The following MAGI2 variants were observed in gnomAD, a reference collection of about 807,000 sequenced individuals.
The protein encoded by MAGI2 is membrane associated guanylate kinase, WW and PDZ domain containing 2, also known as membrane-associated guanylate kinase, WW and PDZ domain-containing protein 2.
In MAGI2, 35 loss-of-function variants were observed where a neutral mutation model predicts 133.3. The observed-to-expected ratio is 0.26, with a 90% CI of 0.20 to 0.35. The LOEUF (loss-of-function observed/expected upper bound fraction) is 0.35, where lower values mean the gene tolerates loss of function less well. Ranked by LOEUF, MAGI2 falls within the 10% of genes least tolerant of loss-of-function variation. MAGI2 has a pLI of 1.00. For synonymous variants in MAGI2, 729 were observed against 710.6 expected (o/e 1.03, Z -0.41); for missense variants, 1,636 against 1,863.4 (o/e 0.88, Z 2.25).
intron 15 of MAGI2, among the ~76,000 whole-genome samples, chr7:78,162,942 C>T (rs1231170965): frequency 6.6e-6 from 1 of 152,082 alleles, no homozygotes; most frequent in East Asian, 1.9e-4. Flanking sequence ...TACTGTAGGG[C>T]ATTAACAGCC....
chr7:79,062,483 T>C (rs1413756090), intron 1 of MAGI2, among the ~76,000 whole-genome samples: 1 of 152,178 alleles, frequency 6.6e-6, no homozygotes, highest in African/African-American at 2.4e-5. Flanking sequence ...TTTTCTGTTC[T>C]TCTTAAAAAC....
rs372289009 is a variant in MAGI2 at position 78,322,470 on chromosome 7, C to T, written c.1408+21308G>A. Among the ~76,000 whole-genome samples, 23 of 152,064 alleles carry T rather than the reference C, an allele frequency of 1.5e-4. No individual in the cohort carries two copies. The East Asian group carries it at 1.5e-3, about 10-fold the overall frequency. On this transcript the variant is annotated intron_variant, in intron 9 of 21. Coordinates refer to ENST00000354212, the MANE Select transcript of MAGI2 (RefSeq NM_012301.4). ...TTTCTGTCCTTTGCAGAGACTTCGA[C>T]GAAGCTGAAAACCATCGTTCTCAGC...
intron 2 of MAGI2, among the ~76,000 whole-genome samples, chr7:78,718,378 C>T (rs1031038032): frequency 1.3e-5 from 2 of 152,158 alleles, no homozygotes; most frequent in African/African-American, 4.8e-5. Context: ...CTATTAAGAA[C>T]TGGGCCACAC....
intron 1 of MAGI2, among the ~76,000 whole-genome samples, chr7:79,095,633 A>G (rs185138999): frequency 1.3e-5 from 2 of 152,284 alleles, no homozygotes; most frequent in East Asian, 3.9e-4. Context: ...TGAGATAAAG[A>G]TGGAGAAGAG....
chr7:78,061,508 G>T (rs866927261), intron 21 of MAGI2, among the ~76,000 whole-genome samples: 1 of 151,886 alleles, frequency 6.6e-6, no homozygotes, highest in Non-Finnish European at 1.5e-5. Flanking sequence ...AGGGTTGATG[G>T]CCCCTTAATT....
intron 1 of MAGI2, among the ~76,000 whole-genome samples, chr7:79,235,287 G>T (rs1458196352): frequency 6.6e-6 from 1 of 152,140 alleles, no homozygotes; most frequent in Non-Finnish European, 1.5e-5. Context: ...GCCTAGAGAG[G>T]CAGGCAGGCC....
At chr7:78,229,720 A>G (rs1584481259) in intron 10 of MAGI2, among the ~76,000 whole-genome samples, 1 of 152,202 alleles carries the variant, frequency 6.6e-6, no homozygotes, top group African/African-American at 2.4e-5. Context: ...GGAAGGGACG[A>G]TGACAGAGAA....
At chr7:78,040,254 A>C (rs778549469) in intron 21 of MAGI2, among the ~76,000 whole-genome samples, 1 of 152,188 alleles carries the variant, frequency 6.6e-6, no homozygotes, top group Non-Finnish European at 1.5e-5. Context: ...AGGGTAAGCG[A>C]CTTCCTTTGG....
chr7:78,282,249 C>G (rs1795683607), intron 9 of MAGI2, among the ~76,000 whole-genome samples: 1 of 152,068 alleles, frequency 6.6e-6, no homozygotes, highest in African/African-American at 2.4e-5. Flanking sequence ...TTTTCCCTGT[C>G]CTGGTTCTTC....
intron 1 of MAGI2, among the ~76,000 whole-genome samples, chr7:79,224,746 T>A (rs963777363): frequency 2.4e-4 from 37 of 152,222 alleles, no homozygotes; most frequent in African/African-American, 8.9e-4. Context: ...ATCCCATTTA[T>A]GTGATAACTT....
At chr7:78,235,893 A>C (rs1341319116) in intron 10 of MAGI2, among the ~76,000 whole-genome samples, 1 of 152,108 alleles carries the variant, frequency 6.6e-6, no homozygotes, top group Non-Finnish European at 1.5e-5. Context: ...AATTTAACAA[A>C]GGGTAGTTGG....
chr7:78,980,037 C>T (rs1804640858), intron 2 of MAGI2, among the ~76,000 whole-genome samples: 1 of 151,810 alleles, frequency 6.6e-6, no homozygotes, highest in Admixed American at 6.6e-5. Context: ...GCAATTCATA[C>T]CCATGAGAGG....
chr7:78,893,853 G>A (rs2151576852), intron 2 of MAGI2, among the ~76,000 whole-genome samples: 1 of 152,132 alleles, frequency 6.6e-6, no homozygotes, highest in African/African-American at 2.4e-5. Context: ...TTGTGCACAT[G>A]TACCCTAAAA....
At chr7:78,890,831 A>T (rs1025475542) in intron 2 of MAGI2, among the ~76,000 whole-genome samples, 1 of 152,158 alleles carries the variant, frequency 6.6e-6, no homozygotes, top group African/African-American at 2.4e-5. Context: ...GAGAAGCAAG[A>T]GCAAACACAT....
chr7:78,117,528 T>C (rs1324686273), intron 20 of MAGI2, among the ~76,000 whole-genome samples: 1 of 152,124 alleles, frequency 6.6e-6, no homozygotes, highest in African/African-American at 2.4e-5. Context: ...AAAACATCTT[T>C]AATCTGTTGA....
At chr7:78,483,691 G>A (rs952692704) in intron 6 of MAGI2, among the ~76,000 whole-genome samples, 2 of 151,806 alleles carry the variant, frequency 1.3e-5, no homozygotes, top group African/African-American at 2.4e-5. Context: ...CTTCTGACCC[G>A]AAAAGACTGG....
chr7:78,468,771 GT>G (rs1563045367), intron 6 of MAGI2, among the ~76,000 whole-genome samples: 1 of 152,144 alleles, frequency 6.6e-6, no homozygotes, highest in Non-Finnish European at 1.5e-5. Context: ...ACTATTCTTT[GT>G]GACAGACTTG....
At chr7:79,086,013 G>A (rs998728239) in intron 1 of MAGI2, among the ~76,000 whole-genome samples, 2 of 151,802 alleles carry the variant, frequency 1.3e-5, no homozygotes, top group African/African-American at 2.4e-5. Context: ...ATATGCATGT[G>A]GCTTCCAAGA....
At chr7:79,420,890 C>T (rs1387818618) in intron 1 of MAGI2, among the ~76,000 whole-genome samples, 2 of 151,988 alleles carry the variant, frequency 1.3e-5, no homozygotes, top group East Asian at 3.9e-4. Context: ...TAATGTGAAT[C>T]TGTGAAAACT....
Sources: allele counts gnomAD v4.1 joint callset (sites outside exome capture counted in the v4.1 genomes callset), GRCh38; gene constraint gnomAD v4.1.1; transcripts MANE v1.5; gene names NCBI Gene and HGNC (gene_info 2026-07-23, HGNC 2026-07-21).